Variants in TUSC3 observed in about 807,000 individuals in gnomAD.
The protein encoded by TUSC3 is tumor suppressor candidate 3.
TUSC3 carries 45 observed loss-of-function variants against 44.8 expected under a neutral mutation model. The observed-to-expected ratio is 1.00, with a 90% CI of 0.79 to 1.29. TUSC3 has a LOEUF of 1.29. Ranked by LOEUF, TUSC3 falls within the 50% of genes most tolerant of loss-of-function variation. The probability of loss-of-function intolerance (pLI) is 0.00; values close to 1 mark genes in which losing one functional copy is unlikely to be tolerated. For synonymous variants in TUSC3, 212 were observed against 152.9 expected, an observed-to-expected ratio of 1.39 and a Z score of -2.85; for missense variants, 519 against 437.9, an observed-to-expected ratio of 1.19 and a Z score of -1.65.
chr8:15,452,016 GTAAT>G lies in TUSC3; in HGVS notation n.92-31366_92-31363del, dbSNP rs139492014. Among the ~76,000 whole-genome samples, 611 of 152,238 alleles carry G rather than the reference GTAAT, an allele frequency of 4.0e-3. 4 individuals are homozygous for G. Among genetic ancestry groups the G allele is most frequent in the African/African-American group, 0.014 (578 of 41,546 alleles). On this transcript the variant is annotated intron_variant and non_coding_transcript_variant, in intron 1 of 5. Transcript: ENST00000503191. ...AAAAGAGTGATGATGTCTTACAAGAGTAATTAAAGTAAAACATGAAACCACTCAG... is the reference window on the plus strand; with the variant it reads ...AAAAGAGTGATGATGTCTTACAAGAGTAAAGTAAAACATGAAACCACTCAG...
the TUSC3 span, among the ~76,000 whole-genome samples, chr8:15,779,265 G>T: frequency 5.3e-4 from 81 of 152,182 alleles, no homozygotes; most frequent in Admixed American, 7.9e-4. Context: ...TTGGGGTCTC[G>T]CTTTGTTGCC....
At chr8:15,810,483 A>G in the TUSC3 span, among the ~76,000 whole-genome samples, 5 of 151,970 alleles carry the variant, frequency 3.3e-5, no homozygotes, top group Admixed American at 2.0e-4. Context: ...ACAGATAATT[A>G]AAAACTTAGC....
intron 6 of TUSC3, among the ~76,000 whole-genome samples, chr8:15,686,833 C>T (rs558329686): frequency 8.6e-5 from 13 of 151,884 alleles, no homozygotes; most frequent in African/African-American, 3.1e-4. Context: ...CTTTAGGAGG[C>T]CGAGTTTGGC....
chr8:15,831,898 A>C, the TUSC3 span, among the ~76,000 whole-genome samples: 1 of 152,200 alleles, frequency 6.6e-6, no homozygotes, highest in Non-Finnish European at 1.5e-5. Context: ...GAACGTCCCC[A>C]ACCTAGCTAG....
intron 1 of TUSC3, among the ~76,000 whole-genome samples, chr8:15,589,866 G>T (rs139409045): frequency 2.5e-4 from 38 of 152,266 alleles, no homozygotes; most frequent in African/African-American, 8.9e-4. Flanking sequence ...TTTTGGAAAA[G>T]TTCGAAATAA....
downstream of TUSC3, among the ~76,000 whole-genome samples, chr8:15,768,531 A>G (rs966937019): frequency 7.9e-5 from 12 of 152,282 alleles, no homozygotes; most frequent in Admixed American, 2.6e-4. Flanking sequence ...AACCTACTCA[A>G]AGAGCTAACA....
the TUSC3 span, among the ~76,000 whole-genome samples, chr8:15,816,711 C>A: frequency 6.6e-6 from 1 of 152,168 alleles, no homozygotes; most frequent in African/African-American, 2.4e-5. Context: ...CACATGCTCT[C>A]AAATTACACC....
At chr8:15,686,922 G>A (rs2129187812) in intron 6 of TUSC3, among the ~76,000 whole-genome samples, 1 of 152,100 alleles carries the variant, frequency 6.6e-6, no homozygotes, top group African/African-American at 2.4e-5. Context: ...CAAAAAATTA[G>A]CCGGGCATGG....
chr8:15,614,857 G>T (rs1028094732), intron 1 of TUSC3, among the ~76,000 whole-genome samples: 1 of 146,404 alleles, frequency 6.8e-6, no homozygotes, highest in Non-Finnish European at 1.5e-5. Context: ...CCTTGGGTTA[G>T]AATTGAAATT....
rs560373673 is a variant in TUSC3 at position 15,628,862 on chromosome 8, T to C, written c.308+5613T>C. Among the ~76,000 whole-genome samples, 3 of 152,238 alleles carry C rather than the reference T, an allele frequency of 2.0e-5. No individual in the cohort carries two copies. In the East Asian group the frequency reaches 5.8e-4, roughly 30 times the overall value. On this transcript the variant is annotated intron_variant, in intron 2 of 10. Transcript: ENST00000503731. Reference sequence around the variant, plus strand: ...GTCCTGTTTTCTTCATGGTGTGAAGTGGATTAGGAGAATGAGTAGAAAGTG... The same window carrying C: ...GTCCTGTTTTCTTCATGGTGTGAAGCGGATTAGGAGAATGAGTAGAAAGTG...
chr8:15,524,719 A>G (rs948314126), intron 2 of TUSC3, among the ~76,000 whole-genome samples: 4 of 152,224 alleles, frequency 2.6e-5, no homozygotes, highest in Non-Finnish European at 5.9e-5. Context: ...CCTAAAGTTC[A>G]TGCTCTGGTA....
chr8:15,720,233 CAG>C (rs1206279666), intron 6 of TUSC3, among the ~76,000 whole-genome samples: 8,854 of 146,888 alleles, frequency 0.06, 269 homozygotes, highest in Non-Finnish European at 0.063. Flanking sequence ...CACACACACA[CAG>C]AGAGAACATT....
At chr8:15,816,180 T>G in the TUSC3 span, among the ~76,000 whole-genome samples, 1 of 152,196 alleles carries the variant, frequency 6.6e-6, no homozygotes, top group African/African-American at 2.4e-5. Context: ...AGGCTCTGTC[T>G]TTGGCTGTCT....
intron 6 of TUSC3, among the ~76,000 whole-genome samples, chr8:15,720,114 C>CA (rs1413167854): frequency 6.6e-6 from 1 of 151,676 alleles, no homozygotes; most frequent in South Asian, 2.1e-4. Flanking sequence ...GTGAGTGTCT[C>CA]AAAGTGTTGC....
chr8:15,611,875 C>T (rs546769558), intron 1 of TUSC3, among the ~76,000 whole-genome samples: 13 of 152,190 alleles, frequency 8.5e-5, no homozygotes, highest in Non-Finnish European at 1.6e-4. Flanking sequence ...TTTTTAAGAT[C>T]GAATTTCCAA....
chr8:15,709,227 A>C (rs2129198822), intron 6 of TUSC3, among the ~76,000 whole-genome samples: 1 of 152,012 alleles, frequency 6.6e-6, no homozygotes, highest in Non-Finnish European at 1.5e-5. Flanking sequence ...ACAAATAATT[A>C]GTTACTGTTG....
the TUSC3 span, among the ~76,000 whole-genome samples, chr8:15,849,547 A>G: frequency 6.6e-6 from 1 of 152,322 alleles, no homozygotes; most frequent in South Asian, 2.1e-4. Context: ...CCCAACTTAA[A>G]GAAAGCCACC....
intron 7 of TUSC3, among the ~76,000 whole-genome samples, chr8:15,740,432 C>T (rs1811140893): frequency 6.7e-6 from 1 of 150,212 alleles, no homozygotes; most frequent in South Asian, 2.1e-4. Context: ...AATCTGAACG[C>T]AATACTTCAG....
chr8:15,851,553 A>G, the TUSC3 span, among the ~76,000 whole-genome samples: 8 of 152,334 alleles, frequency 5.3e-5, no homozygotes, highest in East Asian at 1.4e-3. Flanking sequence ...AGAGGTTTAA[A>G]TAACTTGACC....
Sources: gnomAD v4.1 joint callset for allele counts (sites outside exome capture counted in the v4.1 genomes callset) on GRCh38, gnomAD v4.1.1 for gene constraint, MANE v1.5 for transcripts, NCBI Gene and HGNC (gene_info 2026-07-23, HGNC 2026-07-21) for gene names.